EXPH5: variants seen among roughly 807,000 people sequenced by gnomAD.
EXPH5 encodes the protein exophilin-5.
A neutral mutation model predicts 41.1 loss-of-function variants in EXPH5; 42 were observed. That is an observed-to-expected ratio of 1.02 (90% CI 0.80 to 1.32). The LOEUF is 1.32. EXPH5 is among the 40% of genes most tolerant of loss of function. EXPH5 has a pLI of 0.00. For missense variants in EXPH5, 2,298 were observed against 2,314.5 expected, an observed-to-expected ratio of 0.99 and a Z score of 0.15; for synonymous variants, 798 against 833.5, an observed-to-expected ratio of 0.96 and a Z score of 0.73.
Position 108,506,981 on chromosome 11 carries a change from ACT to A in EXPH5, c.*2554_*2555del, listed in dbSNP as rs1344069519. The A allele has an allele frequency of 2.0e-5, 3 of 152,106 alleles. No individual in the cohort carries two copies. Among genetic ancestry groups the A allele is most frequent in the African/African-American group, 4.8e-5 (2 of 41,422 alleles). 9.4% of individuals were successfully genotyped at this position (152,106 alleles called of 1,614,324 possible). On this transcript the variant is annotated 3_prime_UTR_variant, in exon 6 of 6. Transcript: ENST00000265843. ...ACTCCAGCCTGGGCAACAGAGTGAGACTCTGTCTCAAAGAAAATAATAATAAT... is the reference window on the plus strand; with the variant it reads ...ACTCCAGCCTGGGCAACAGAGTGAGACTGTCTCAAAGAAAATAATAATAAT...
chr11:108,511,983 A>G lies in EXPH5; in HGVS notation c.3524T>C (p.Leu1175Ser), dbSNP rs1316632469. Reference sequence around the variant, plus strand: ...TTCCTTTTGGTGTTGTCTTTTGGTTAAAGAACAATCTCTAACAGATGAGTC... The same window carrying G: ...TTCCTTTTGGTGTTGTCTTTTGGTTGAAGAACAATCTCTAACAGATGAGTC... ...ESDSSVRDCS[L>S]TKRQHQKENF... The change falls in exon 6 of 6, where the codon TTA becomes TCA. Residue 1175 changes from leucine to serine, a missense_variant. By Grantham distance (145) the Leu-to-Ser change is moderately radical (BLOSUM62 -2). Transcript: ENST00000265843. 1.3e-6 allele frequency: 2 copies of G among 1,596,768 alleles called. No homozygotes were observed. Among genetic ancestry groups the G allele is most frequent in the African/African-American group, 1.4e-5 (1 of 73,788 alleles).
chr11:108,543,608 T>G (rs567601134), intron 1 of EXPH5, among the ~76,000 whole-genome samples: 1 of 152,298 alleles, frequency 6.6e-6, no homozygotes, highest in South Asian at 2.1e-4. Context: ...GTCTTTGTAT[T>G]GCTAAGGGGG....
chr11:108,575,739 C>T (rs544563718), intron 1 of EXPH5, among the ~76,000 whole-genome samples: 26 of 152,154 alleles, frequency 1.7e-4, no homozygotes, highest in South Asian at 4.2e-4. Context: ...TTTGGGAGGC[C>T]GAGGCAGGCA....
intron 1 of EXPH5, among the ~76,000 whole-genome samples, chr11:108,549,689 T>C (rs2093954708): frequency 5.9e-5 from 9 of 152,232 alleles, no homozygotes. Context: ...TGGCCCATTC[T>C]TGAGTTACTA....
Position 108,511,862 on chromosome 11 carries a change from T to G in EXPH5, c.3645A>C (p.Ser1215=). 6.3e-7 allele frequency: 1 copy of G among 1,587,142 alleles called. No individual in the cohort carries two copies. Among genetic ancestry groups the G allele is most frequent in the Non-Finnish European group, 8.5e-7 (1 of 1,171,884 alleles). The part of the protein sequence containing the change: ...LSNEDPLPFC[S]DLSGKERGKT... ...TCCCACGTTCTTTTCCTGACAAGTC[T>G]GAGCAAAAAGGTAAAGGGTCTTCAT... Residue 1215 remains serine (S), a synonymous_variant, in exon 6 of 6, where the codon TCA becomes TCC. Coordinates refer to ENST00000265843, the MANE Select transcript of EXPH5 (RefSeq NM_015065.3).
At chr11:108,537,443 A>G (rs895450440) in intron 3 of EXPH5, among the ~76,000 whole-genome samples, 2 of 152,234 alleles carry the variant, frequency 1.3e-5, no homozygotes, top group African/African-American at 4.8e-5. Flanking sequence ...GAAAACTGCT[A>G]AACACACATA....
At chr11:108,565,843 C>A (rs1396959028) in intron 1 of EXPH5, among the ~76,000 whole-genome samples, 1 of 152,228 alleles carries the variant, frequency 6.6e-6, no homozygotes, top group Non-Finnish European at 1.5e-5. Flanking sequence ...ATTCCAAGCA[C>A]TTTGCCATGC....
At chr11:108,574,321 T>C (rs1264778478) in intron 1 of EXPH5, among the ~76,000 whole-genome samples, 2 of 150,388 alleles carry the variant, frequency 1.3e-5, no homozygotes, top group Non-Finnish European at 2.9e-5. Flanking sequence ...GAGGTTACAA[T>C]GAACTGTCAT....
rs1650304794 is a variant in EXPH5 at position 108,508,960 on chromosome 11, T to A, written c.*577A>T. On this transcript the variant is annotated 3_prime_UTR_variant, in exon 6 of 6. Coordinates refer to ENST00000265843, the MANE Select transcript of EXPH5 (RefSeq NM_015065.3). ...TATCTTTTTTTTTTCCTTTTTGCAA[T>A]CAGTTTCTCAGGTTAAAAAATAAAT... 6.6e-6 allele frequency: 1 copy of A among 151,924 alleles called. No homozygotes were observed. 9.4% of individuals were successfully genotyped at this position (151,924 alleles called of 1,614,324 possible). A position where few individuals can be genotyped will look rare whatever the true frequency, so the allele number is the denominator to read the frequency against.
At chr11:108,536,551 C>T (rs757809524) in intron 3 of EXPH5, among the ~76,000 whole-genome samples, 29 of 152,206 alleles carry the variant, frequency 1.9e-4, no homozygotes, top group Non-Finnish European at 3.2e-4. Flanking sequence ...AGGCGTGAGC[C>T]GTCATGACTG....
At chr11:108,527,908 A>G (rs2093810486) in intron 4 of EXPH5, among the ~76,000 whole-genome samples, 2 of 152,252 alleles carry the variant, frequency 1.3e-5, no homozygotes, top group African/African-American at 2.4e-5. Flanking sequence ...CACTGATGGC[A>G]TAAGTGGAAA....
intron 1 of EXPH5, among the ~76,000 whole-genome samples, chr11:108,574,763 T>C (rs2094074348): frequency 6.6e-6 from 1 of 152,210 alleles, no homozygotes; most frequent in Admixed American, 6.5e-5. Context: ...AAATATAAAG[T>C]AGAAATCTGC....
the EXPH5 span, among the ~76,000 whole-genome samples, chr11:108,605,767 T>C: frequency 6.6e-6 from 1 of 152,204 alleles, no homozygotes; most frequent in African/African-American, 2.4e-5. Context: ...AGTGGACATA[T>C]ATGATGAATC....
intron 3 of EXPH5, among the ~76,000 whole-genome samples, chr11:108,531,539 T>G (rs1297282267): frequency 6.6e-6 from 1 of 152,252 alleles, no homozygotes; most frequent in Non-Finnish European, 1.5e-5. Context: ...TCTGCTCACA[T>G]TCCACTCTTC....
intron 3 of EXPH5, among the ~76,000 whole-genome samples, chr11:108,532,379 T>A (rs1199090619): frequency 1.5e-3 from 130 of 88,216 alleles, no homozygotes; most frequent in African/African-American, 7.8e-3. Flanking sequence ...TTTTTTTTTT[T>A]TTTTTTTTTT....
intron 4 of EXPH5, among the ~76,000 whole-genome samples, chr11:108,523,134 C>A (rs908509091): frequency 1.3e-5 from 2 of 148,318 alleles, no homozygotes; most frequent in African/African-American, 4.9e-5. Flanking sequence ...CCTTGGCATC[C>A]TAAAGTGCTG....
At position 108,509,743 on chromosome 11, in the gene EXPH5, G is replaced by A; in HGVS notation, c.5764C>T (p.Leu1922=). The A allele has an allele frequency of 6.2e-7, 1 of 1,607,224 alleles. No individual in the cohort carries two copies. Among genetic ancestry groups the A allele is most frequent in the Non-Finnish European group, 8.5e-7 (1 of 1,177,984 alleles). Reference sequence around the variant, plus strand: ...GGAGGGTTCCTCAAATCATCTTTTAGGAAGCCAGGGTTCTTAAGAAAACTT... The same window carrying A: ...GGAGGGTTCCTCAAATCATCTTTTAAGAAGCCAGGGTTCTTAAGAAAACTT... ...KPSFLKNPGF[L]KDDLRNPPNP... is the part of the protein sequence containing the mutation. Residue 1922 remains leucine (L), a synonymous_variant, in exon 6 of 6, where the codon CTA becomes TTA. Coordinates refer to ENST00000265843, the MANE Select transcript of EXPH5 (RefSeq NM_015065.3).
chr11:108,559,528 A>G (rs1033401352), intron 1 of EXPH5, among the ~76,000 whole-genome samples: 1 of 152,208 alleles, frequency 6.6e-6, no homozygotes, highest in African/African-American at 2.4e-5. Context: ...TTTGTTAATT[A>G]TATTGTTCAT....
chr11:108,563,641 A>G (rs2094022187), intron 1 of EXPH5, among the ~76,000 whole-genome samples: 1 of 152,176 alleles, frequency 6.6e-6, no homozygotes, highest in Non-Finnish European at 1.5e-5. Flanking sequence ...CCTCACAACC[A>G]TTCTAGTCAA....
Sources: gnomAD v4.1 joint callset for allele counts (sites outside exome capture counted in the v4.1 genomes callset) on GRCh38, gnomAD v4.1.1 for gene constraint, MANE v1.5 for transcripts, NCBI Gene and HGNC (gene_info 2026-07-23, HGNC 2026-07-21) for gene names.